LIN52: variants seen among roughly 807,000 people sequenced by gnomAD.
LIN52 encodes protein lin-52 homolog.
LIN52 carries 4 observed loss-of-function variants against 18.5 expected under a neutral mutation model. That is an observed-to-expected ratio of 0.22 (90% CI 0.11 to 0.49). The LOEUF is 0.49. Ranked by LOEUF, LIN52 falls within the 20% of genes least tolerant of loss-of-function variation. The pLI, the probability that LIN52 is intolerant of heterozygous loss-of-function variation, is 0.97. For synonymous variants in LIN52, 34 were observed against 45.5 expected (o/e 0.75, Z 1.02); for missense variants, 102 against 139.5 (o/e 0.73, Z 1.35).
Position 74,169,239 on chromosome 14 carries a change from C to G in LIN52, c.284-29683C>G, listed in dbSNP as rs376599170. Among the ~76,000 whole-genome samples, 210 of 152,286 alleles carry G rather than the reference C, an allele frequency of 1.4e-3. 1 individual carries two copies. The highest frequency in any genetic ancestry group is 4.9e-3 in the African/African-American group (202 of 41,550). ...GTCCACATTTCTTTTTCTACTGTTT[C>G]AAGAGAAGTTCCCTTTTACCAGTAA... On this transcript the variant is annotated intron_variant, in intron 5 of 5. Coordinates refer to ENST00000555028, the MANE Select transcript of LIN52 (RefSeq NM_001024674.3).
intron 5 of LIN52, among the ~76,000 whole-genome samples, chr14:74,133,391 C>G (rs2061079645): frequency 6.6e-6 from 1 of 152,140 alleles, no homozygotes; most frequent in Non-Finnish European, 1.5e-5. Flanking sequence ...TTCTAGTTTT[C>G]AGTAGTGGGG....
intron 1 of LIN52, among the ~76,000 whole-genome samples, chr14:74,089,040 C>T (rs1476882101): frequency 1.3e-5 from 2 of 152,102 alleles, no homozygotes; most frequent in African/African-American, 4.8e-5. Context: ...AAAATCAATT[C>T]TGGCCTCTTT....
chr14:74,181,123 AAAAAAG>A (rs1383774525), intron 5 of LIN52, among the ~76,000 whole-genome samples: 6 of 120,112 alleles, frequency 5.0e-5, no homozygotes, highest in African/African-American at 1.7e-4. Flanking sequence ...AAAAAAAAAA[AAAAAAG>A]AAAAAAGAAA....
intron 3 of LIN52, 36 bp from the exon 4 acceptor site, chr14:74,097,758 T>G: frequency 6.7e-7 from 1 of 1,482,626 alleles, no homozygotes; most frequent in Non-Finnish European, 9.4e-7. Context: ...CCTCACACTT[T>G]TTATGTGTCT....
chr14:74,096,163 C>T (rs1480762012), intron 3 of LIN52, among the ~76,000 whole-genome samples, 178 bp downstream of exon 3: 2 of 152,182 alleles, frequency 1.3e-5, no homozygotes, highest in South Asian at 2.1e-4. Flanking sequence ...CAAGTTCAAG[C>T]GATTCTCCTG....
At chr14:74,140,027 TA>T in intron 5 of LIN52, among the ~76,000 whole-genome samples, 1 of 152,224 alleles carries the variant, frequency 6.6e-6, no homozygotes, top group East Asian at 1.9e-4. Context: ...ATATAATTAA[TA>T]TAAAGCCACA....
chr14:74,140,080 T>TTA (rs1200137440), intron 5 of LIN52, among the ~76,000 whole-genome samples: 4 of 57,412 alleles, frequency 7.0e-5, no homozygotes, highest in Non-Finnish European at 1.3e-4. Flanking sequence ...CTAAGAACAC[T>TTA]TCAGCAAAAA....
At chr14:74,192,182 C>T (rs1190146580) in intron 5 of LIN52, among the ~76,000 whole-genome samples, 2 of 104,792 alleles carry the variant, frequency 1.9e-5, no homozygotes, top group Admixed American at 9.6e-5. Flanking sequence ...GATCTGGTAC[C>T]TCCTGTAAAG....
intron 5 of LIN52, among the ~76,000 whole-genome samples, chr14:74,161,482 C>T (rs781626909): frequency 8.5e-5 from 13 of 152,062 alleles, no homozygotes; most frequent in Non-Finnish European, 1.9e-4. Context: ...CCACCGTGCC[C>T]GGTCTGAACA....
chr14:74,122,468 G>A (rs553038952), intron 5 of LIN52, among the ~76,000 whole-genome samples: 140 of 152,208 alleles, frequency 9.2e-4, no homozygotes, highest in Non-Finnish European at 1.7e-3. Context: ...AGTATTCTTT[G>A]TTTCTATTTT....
intron 5 of LIN52, among the ~76,000 whole-genome samples, chr14:74,155,957 A>T (rs1378353416): frequency 6.6e-6 from 1 of 152,150 alleles, no homozygotes; most frequent in Non-Finnish European, 1.5e-5. Context: ...TGTCCCATGA[A>T]TTGACGGTAG....
chr14:74,097,223 A>C (rs1037112888), intron 3 of LIN52, among the ~76,000 whole-genome samples: 5 of 152,224 alleles, frequency 3.3e-5, no homozygotes, highest in Non-Finnish European at 7.3e-5. Flanking sequence ...CTAACTTGTT[A>C]GGCATAAATC....
rs1049845879 is a variant in LIN52 at position 74,199,379 on chromosome 14, G to C, written c.*402G>C. 1.8e-5 allele frequency: 3 copies of C among 162,960 alleles called. No homozygotes were observed. The highest frequency in any genetic ancestry group is 6.3e-5 in the Admixed American group (1 of 15,990). The allele number at this position is 162,960 out of a possible 1,614,324, so 10.1% of individuals were successfully genotyped here. A position where few individuals can be genotyped will look rare whatever the true frequency, so the allele number is the denominator to read the frequency against. On this transcript the variant is annotated 3_prime_UTR_variant, in exon 6 of 6. Transcript: ENST00000555028. Reference sequence around the variant, plus strand: ...TTGATTGGATGGGTTCTTTTGAATTGTTCTTGATCTCTTAGAAAGTGTTTA... The same window carrying C: ...TTGATTGGATGGGTTCTTTTGAATTCTTCTTGATCTCTTAGAAAGTGTTTA...
At chr14:74,113,576 C>T (rs1396293587) in intron 5 of LIN52, among the ~76,000 whole-genome samples, 1 of 152,004 alleles carries the variant, frequency 6.6e-6, no homozygotes, top group Non-Finnish European at 1.5e-5. Flanking sequence ...ATGACTAAGA[C>T]TAGGAAGGAG....
At chr14:74,093,279 T>C (rs1457317751) in intron 2 of LIN52, among the ~76,000 whole-genome samples, 1 of 150,736 alleles carries the variant, frequency 6.6e-6, no homozygotes, top group Non-Finnish European at 1.5e-5. Flanking sequence ...ATTCACATAA[T>C]ACTGAGATAT....
At chr14:74,110,826 C>T (rs1200890103) in intron 5 of LIN52, among the ~76,000 whole-genome samples, 6 of 151,536 alleles carry the variant, frequency 4.0e-5, no homozygotes, top group African/African-American at 1.2e-4. Context: ...GTTAGCCGGG[C>T]GTGGTGGTGG....
chr14:74,152,758 G>A (rs1415693329), intron 5 of LIN52, among the ~76,000 whole-genome samples: 2 of 151,754 alleles, frequency 1.3e-5, no homozygotes, highest in African/African-American at 2.4e-5. Flanking sequence ...TCAGGAGTTC[G>A]AGACCAGCCT....
At chr14:74,195,362 T>C (rs967963723) in intron 5 of LIN52, among the ~76,000 whole-genome samples, 2 of 152,194 alleles carry the variant, frequency 1.3e-5, no homozygotes, top group Non-Finnish European at 2.9e-5. Context: ...ACAACCATTG[T>C]GAAGAAGAAG....
intron 1 of LIN52, among the ~76,000 whole-genome samples, 200 bp from the exon 2 acceptor site, chr14:74,091,032 T>G (rs570518323): frequency 6.6e-6 from 1 of 152,362 alleles, no homozygotes; most frequent in East Asian, 1.9e-4. Context: ...ATCATTCCCA[T>G]TCATAGATTG....
Sources: gnomAD v4.1 joint callset for allele counts (sites outside exome capture counted in the v4.1 genomes callset) on GRCh38, gnomAD v4.1.1 for gene constraint, MANE v1.5 for transcripts, NCBI Gene and HGNC (gene_info 2026-07-23, HGNC 2026-07-21) for gene names.